HHAT: variants seen among roughly 807,000 people sequenced by gnomAD.
The protein encoded by HHAT is hedgehog acyltransferase.
A neutral mutation model predicts 70.8 loss-of-function variants in HHAT; 47 were observed. The observed-to-expected ratio is 0.66, with a 90% CI of 0.53 to 0.85. The LOEUF (loss-of-function observed/expected upper bound fraction) is 0.85. HHAT is among the 40% of genes least tolerant of loss of function. HHAT has a pLI of 0.00. For missense variants in HHAT, 609 were observed against 604.8 expected (o/e 1.01, Z -0.07); for synonymous variants, 228 against 247.6 (o/e 0.92, Z 0.74).
At chr1:210,543,276 T>G (rs769747750) in intron 9 of HHAT, among the ~76,000 whole-genome samples, 2 of 152,060 alleles carry the variant, frequency 1.3e-5, no homozygotes, top group Non-Finnish European at 2.9e-5. Context: ...GTAGGATGGT[T>G]TGGCATGCTT....
intron 1 of HHAT, among the ~76,000 whole-genome samples, 197 bp from the exon 2 acceptor site, chr1:210,348,736 C>CGTGCGTGTGT (rs1553317703): frequency 6.8e-5 from 10 of 148,034 alleles, no homozygotes; most frequent in African/African-American, 2.5e-4. Flanking sequence ...TGTATGTGTG[C>CGTGCGTGTGT]GTGTGTGTGT....
At chr1:210,566,743 T>C (rs1333017168) in intron 9 of HHAT, among the ~76,000 whole-genome samples, 1 of 152,136 alleles carries the variant, frequency 6.6e-6, no homozygotes, top group Non-Finnish European at 1.5e-5. Context: ...TCCATCCCAC[T>C]GAGAGCCACC....
intron 10 of HHAT, among the ~76,000 whole-genome samples, chr1:210,598,146 C>G (rs1463900549): frequency 6.6e-6 from 1 of 151,768 alleles, no homozygotes; most frequent in Non-Finnish European, 1.5e-5. Context: ...GGGATGGGGG[C>G]CTCAAAACTC....
chr1:210,352,049 A>G (rs1376247343), intron 2 of HHAT, among the ~76,000 whole-genome samples: 2 of 152,222 alleles, frequency 1.3e-5, no homozygotes, highest in Non-Finnish European at 2.9e-5. Context: ...CCAAGGTCAT[A>G]TATTTAATAA....
intron 10 of HHAT, among the ~76,000 whole-genome samples, chr1:210,603,455 A>G (rs745850278): frequency 3.9e-4 from 60 of 152,118 alleles, no homozygotes; most frequent in Admixed American, 1.5e-3. Flanking sequence ...CTTAGTATGT[A>G]TATGTTGAAG....
At chr1:210,392,412 A>G (rs974729339) in intron 4 of HHAT, among the ~76,000 whole-genome samples, 1 of 152,014 alleles carries the variant, frequency 6.6e-6, no homozygotes, top group African/African-American at 2.4e-5. Context: ...TATTGTCCCC[A>G]GGGCACCTTT....
chr1:210,516,611 C>T (rs1208038999), intron 9 of HHAT, among the ~76,000 whole-genome samples: 1 of 152,116 alleles, frequency 6.6e-6, no homozygotes, highest in African/African-American at 2.4e-5. Context: ...TGTAAAAGAG[C>T]AAATGTGGGA....
intron 11 of HHAT, among the ~76,000 whole-genome samples, chr1:210,656,405 AC>A (rs66521649): frequency 0.65 from 98,126 of 150,672 alleles, 33,921 homozygotes; most frequent in Non-Finnish European, 0.78. Flanking sequence ...GAGCACACAT[AC>A]CCCCCCCGTC....
chr1:210,483,360 G>A (rs770568154), intron 8 of HHAT, among the ~76,000 whole-genome samples: 39 of 152,164 alleles, frequency 2.6e-4, no homozygotes, highest in Non-Finnish European at 4.4e-4. Flanking sequence ...AGAGTAGAGA[G>A]AACACTTCTC....
intron 10 of HHAT, among the ~76,000 whole-genome samples, chr1:210,623,079 G>A (rs1669166643): frequency 6.6e-6 from 1 of 152,108 alleles, no homozygotes; most frequent in Non-Finnish European, 1.5e-5. Context: ...GTACACTTTT[G>A]TTTTGTTTCG....
intron 2 of HHAT, among the ~76,000 whole-genome samples, chr1:210,361,685 T>C (rs1313766249): frequency 6.6e-6 from 1 of 152,128 alleles, no homozygotes; most frequent in Non-Finnish European, 1.5e-5. Context: ...TTTTATACTT[T>C]TGTTGATCTG....
intron 9 of HHAT, among the ~76,000 whole-genome samples, chr1:210,565,188 T>A (rs1421438415): frequency 6.6e-6 from 1 of 152,130 alleles, no homozygotes; most frequent in East Asian, 1.9e-4. Flanking sequence ...AAATCGTGAA[T>A]GGACATGTGC....
intron 11 of HHAT, among the ~76,000 whole-genome samples, chr1:210,640,121 A>G (rs1013740693): frequency 5.3e-5 from 8 of 152,322 alleles, no homozygotes; most frequent in Admixed American, 1.3e-4. Context: ...CATGGCTAAG[A>G]AGAAGCCATT....
chr1:210,384,624 G>A (rs1268965104), intron 3 of HHAT, among the ~76,000 whole-genome samples: 1 of 152,162 alleles, frequency 6.6e-6, no homozygotes, highest in East Asian at 1.9e-4. Flanking sequence ...CTTCCATGGA[G>A]AAGCCTGCCT....
intron 2 of HHAT, among the ~76,000 whole-genome samples, chr1:210,352,877 G>T (rs963198189): frequency 2.6e-5 from 4 of 151,802 alleles, no homozygotes; most frequent in Non-Finnish European, 5.9e-5. Flanking sequence ...CACAGCTGTT[G>T]CATTAGGTTG....
chr1:210,567,655 A>G (rs2148724777), intron 9 of HHAT, among the ~76,000 whole-genome samples: 1 of 152,116 alleles, frequency 6.6e-6, no homozygotes, highest in South Asian at 2.1e-4. Flanking sequence ...GCCTTTTTAG[A>G]TCATCGTGTA....
intron 9 of HHAT, among the ~76,000 whole-genome samples, chr1:210,549,733 G>A (rs575543225): frequency 1.3e-5 from 2 of 148,890 alleles, no homozygotes; most frequent in East Asian, 2.2e-4. Flanking sequence ...AGTGGTGTAC[G>A]CCTGTAGTCC....
intron 7 of HHAT, among the ~76,000 whole-genome samples, chr1:210,427,263 C>G (rs2093092505): frequency 6.6e-6 from 1 of 151,264 alleles, no homozygotes; most frequent in African/African-American, 2.4e-5. Flanking sequence ...TTTTTTAAAC[C>G]AATTCCTGGA....
In HHAT at chr1:210,461,014, T is replaced by C. The variant is rs2093968439; in HGVS notation, c.857-3491T>C. ...TGGGTTAGATAAAATCAATAATAACTCTTGCTAATTGAGAAAATCTTATAC... is the reference window on the plus strand; with the variant it reads ...TGGGTTAGATAAAATCAATAATAACCCTTGCTAATTGAGAAAATCTTATAC... On this transcript the variant is annotated intron_variant, in intron 7 of 11. Coordinates refer to ENST00000261458, the MANE Select transcript of HHAT (RefSeq NM_018194.6). Among the ~76,000 whole-genome samples, 3 of 152,232 alleles carry C rather than the reference T, an allele frequency of 2.0e-5. No homozygotes were observed. The South Asian group carries it at 6.2e-4, about 32-fold the overall frequency.
Sources: gnomAD v4.1 joint callset for allele counts (sites outside exome capture counted in the v4.1 genomes callset) on GRCh38, gnomAD v4.1.1 for gene constraint, MANE v1.5 for transcripts, NCBI Gene and HGNC (gene_info 2026-07-23, HGNC 2026-07-21) for gene names.